Variants in KIAA2012 observed in about 807,000 individuals in gnomAD.
KIAA2012 encodes the protein KIAA2012, also known as uncharacterized protein KIAA2012.
Under a neutral mutation model 150.6 loss-of-function variants are expected in KIAA2012, and 125 were observed. That is an observed-to-expected ratio of 0.83 (90% CI 0.72 to 0.96). The LOEUF (loss-of-function observed/expected upper bound fraction) is 0.96. KIAA2012 is among the 40% of genes least tolerant of loss of function. The pLI, the probability that KIAA2012 is intolerant of heterozygous loss-of-function variation, is 0.00. For missense variants in KIAA2012, 1,219 were observed against 1,354.9 expected, an observed-to-expected ratio of 0.90 and a Z score of 1.57; for synonymous variants, 462 against 504.7, an observed-to-expected ratio of 0.92 and a Z score of 1.13.
Position 202,160,605 on chromosome 2 carries a change from G to T in KIAA2012, c.2047-4679G>T, listed in dbSNP as rs185735185. Among the ~76,000 whole-genome samples, 357 of 152,194 alleles carry T rather than the reference G, an allele frequency of 2.3e-3. 1 individual carries two copies. The highest frequency in any genetic ancestry group is 7.9e-3 in the African/African-American group (329 of 41,540). ...TGGGATTACAGGCGTGAGCCACCACGCCCGGCCAAAATCATAGTCTTTAAC... is the reference window on the plus strand; with the variant it reads ...TGGGATTACAGGCGTGAGCCACCACTCCCGGCCAAAATCATAGTCTTTAAC... On this transcript the variant is annotated intron_variant, in intron 14 of 23. Transcript: ENST00000498697.
At chr2:202,085,426 A>G (rs552753667) in intron 2 of KIAA2012, among the ~76,000 whole-genome samples, 65 of 152,284 alleles carry the variant, frequency 4.3e-4, no homozygotes, top group African/African-American at 1.5e-3. Flanking sequence ...ATCAGAAGGA[A>G]GATCAGAGAG....
chr2:202,204,076 GTTTT>G (rs143485165), intron 23 of KIAA2012, among the ~76,000 whole-genome samples: 14 of 139,408 alleles, frequency 1.0e-4, no homozygotes, highest in Non-Finnish European at 1.4e-4. Flanking sequence ...GCGGTTTTTT[GTTTT>G]TTTTTTTTTT....
chr2:202,121,839 A>G (rs1489071257), intron 11 of KIAA2012, among the ~76,000 whole-genome samples: 1 of 152,250 alleles, frequency 6.6e-6, no homozygotes, highest in Non-Finnish European at 1.5e-5. Flanking sequence ...AATGAGTGCC[A>G]TCACAGAGGC....
Position 202,100,393 on chromosome 2 carries a change from G to A in KIAA2012, c.1099G>A (p.Val367Ile), listed in dbSNP as rs1217516541. ...LPAERSLFPP[V>I]ASATGSRIIT... Reference sequence around the variant, plus strand: ...TGCTGAAAGAAGCCTCTTCCCTCCTGTAGCATCTGCCACTGGCTCCAGAAT... The same window carrying A: ...TGCTGAAAGAAGCCTCTTCCCTCCTATAGCATCTGCCACTGGCTCCAGAAT... Residue 367 changes from valine (V) to isoleucine (I), a missense_variant, in exon 7 of 24, where the codon GTA (valine) becomes ATA (isoleucine). Coordinates refer to ENST00000498697, the MANE Select transcript of KIAA2012 (RefSeq NM_001277372.4). 3 of 1,550,592 alleles carry A rather than the reference G, an allele frequency of 1.9e-6. No homozygotes were observed. Among genetic ancestry groups the A allele is most frequent in the East Asian group, 4.9e-5 (2 of 40,918 alleles).
intron 23 of KIAA2012, among the ~76,000 whole-genome samples, chr2:202,203,155 C>A (rs1692562397): frequency 6.6e-6 from 1 of 152,078 alleles, no homozygotes; most frequent in Non-Finnish European, 1.5e-5. Flanking sequence ...TAAAACTGCC[C>A]ATAATTTCAG....
At chr2:202,190,611 A>G (rs1692312187) in intron 19 of KIAA2012, 118 bp downstream of exon 19, 1 of 753,454 alleles carries the variant, frequency 1.3e-6, no homozygotes, top group Non-Finnish European at 2.1e-6. Context: ...CGACCACCTA[A>G]TGGTCTTATT....
chr2:202,187,820 G>GC (rs763992047), intron 17 of KIAA2012, among the ~76,000 whole-genome samples: 19 of 152,116 alleles, frequency 1.2e-4, no homozygotes, highest in Non-Finnish European at 2.5e-4. Context: ...ATTAATCATG[G>GC]CAACACCAAT....
chr2:202,083,933 G>C (rs943490442), intron 2 of KIAA2012, among the ~76,000 whole-genome samples: 4 of 152,194 alleles, frequency 2.6e-5, no homozygotes, highest in East Asian at 3.8e-4. Flanking sequence ...ATCTAGAGTG[G>C]CTTCTTGGAG....
chr2:202,189,043 C>CTCTTGCTGAATTTACATTTT (rs1306382456), intron 18 of KIAA2012, among the ~76,000 whole-genome samples: 3 of 152,220 alleles, frequency 2.0e-5, no homozygotes, highest in Non-Finnish European at 4.4e-5. Flanking sequence ...GCTTGTTCAT[C>CTCTTGCTGAATTTACATTTT]TCTTGCTGAA....
chr2:202,100,285 C>T, intron 6 of KIAA2012, 22 bp from the exon 7 acceptor site: 1 of 1,546,010 alleles, frequency 6.5e-7, no homozygotes, highest in Non-Finnish European at 8.7e-7. Context: ...AATATATTCT[C>T]ATTCTCATCC....
At chr2:202,133,130 A>ATATATATATTTTTTTTTTTTTTTTTTT (rs1279080237) in intron 12 of KIAA2012, among the ~76,000 whole-genome samples, 4 of 67,776 alleles carry the variant, frequency 5.9e-5, no homozygotes, top group Non-Finnish European at 1.2e-4. Context: ...ATATATATAT[A>ATATATATATTTTTTTTTTTTTTTTTTT]TTTTTTTTTT....
chr2:202,199,509 T>C (rs1692473287), intron 22 of KIAA2012, among the ~76,000 whole-genome samples: 1 of 152,176 alleles, frequency 6.6e-6, no homozygotes, highest in Non-Finnish European at 1.5e-5. Context: ...ATTTTTAGCA[T>C]AAAAATTCCA....
intron 14 of KIAA2012, among the ~76,000 whole-genome samples, chr2:202,160,463 G>A (rs1024498962): frequency 1.5e-4 from 23 of 152,024 alleles, no homozygotes; most frequent in Non-Finnish European, 2.2e-4. Context: ...ACAGGCGCCC[G>A]CCACCATGCC....
chr2:202,179,508 T>C lies in KIAA2012; in HGVS notation c.2120-5245T>C, dbSNP rs1692072330. On this transcript the variant is annotated intron_variant, in intron 15 of 23. Transcript: ENST00000498697. ...AAAGTGGAACCAATTACCAAGCACA[T>C]AGGTTTGGTGTACAGTGGCGTGGGC... is the stretch of plus-strand genomic sequence containing the variant. 8.5e-6 allele frequency: 6 copies of C among 702,074 alleles called. No homozygotes were observed. The Admixed American group carries it at 9.0e-5, about 10-fold the overall frequency. 43.5% of individuals were successfully genotyped at this position (702,074 alleles called of 1,614,324 possible).
intron 13 of KIAA2012, among the ~76,000 whole-genome samples, chr2:202,142,391 G>GA (rs34382910): frequency 6.6e-6 from 1 of 151,822 alleles, no homozygotes; most frequent in Admixed American, 6.6e-5. Flanking sequence ...TAATTCAACA[G>GA]AAAAAAAGAA....
intron 2 of KIAA2012, 42 bp downstream of exon 2, chr2:202,075,217 GCATGTCTAGAA>G: frequency 6.7e-7 from 1 of 1,488,398 alleles, no homozygotes; most frequent in South Asian, 1.4e-5. Context: ...GGTGCTGGTA[GCATGTCTAGAA>G]ACCCAGTTGC....
Position 202,186,927 on chromosome 2 carries a change from T to G in KIAA2012, c.2211-6T>G, listed in dbSNP as rs931491753. On this transcript the variant is annotated splice_polypyrimidine_tract_variant and splice_region_variant and intron_variant, in intron 16 of 23. Coordinates refer to ENST00000498697, the MANE Select transcript of KIAA2012 (RefSeq NM_001277372.4). ...GTTTGGTCCTGTTGGTTTGCTCTTT[T>G]CAAAGGGGCAGAGATTATGATGTAC... 6.5e-7 allele frequency: 1 copy of G among 1,549,570 alleles called. No homozygotes were observed. Among genetic ancestry groups the G allele is most frequent in the Admixed American group, 2.0e-5 (1 of 50,704 alleles).
chr2:202,201,753 A>C (rs1692531010), intron 22 of KIAA2012: 1 of 1,368,736 alleles, frequency 7.3e-7, no homozygotes. Context: ...TGGATGATAG[A>C]GCTCTGAGTA....
chr2:202,138,234 T>A, intron 12 of KIAA2012, 198 bp from the exon 13 acceptor site: 1 of 507,816 alleles, frequency 2.0e-6, no homozygotes, highest in South Asian at 3.0e-5. Flanking sequence ...ACACTATGTT[T>A]AACATGGTGT....
Sources: gnomAD v4.1 joint callset for allele counts (sites outside exome capture counted in the v4.1 genomes callset) on GRCh38, gnomAD v4.1.1 for gene constraint, MANE v1.5 for transcripts, NCBI Gene and HGNC (gene_info 2026-07-23, HGNC 2026-07-21) for gene names.